Variants in SNN observed in about 807,000 individuals in gnomAD.
The protein encoded by SNN is stannin.
In SNN, 5 loss-of-function variants were observed where a neutral mutation model predicts 5.3. The ratio of observed to expected loss-of-function variants is 0.94; its 90% confidence interval spans 0.49 to 1.97. The LOEUF (loss-of-function observed/expected upper bound fraction) is 1.97. Among genes scored for constraint, SNN ranks in the 30% most tolerant of loss-of-function variants. SNN has a pLI of 0.01. For synonymous variants in SNN, 67 were observed against 52.1 expected, an observed-to-expected ratio of 1.29 and a Z score of -1.24; for missense variants, 127 against 121.6, an observed-to-expected ratio of 1.04 and a Z score of -0.21.
Position 11,672,977 on chromosome 16 carries a change from A to AAC in SNN, c.-85-2989_-85-2988dup, listed in dbSNP as rs1211220028. ...TGTCCCTGAACCACCCCCACCCCCA[A>AAC]ACACACACACTTCCCCTTCCGAATT... On this transcript the variant is annotated intron_variant, in intron 1 of 1. Coordinates refer to ENST00000329565, the MANE Select transcript of SNN (RefSeq NM_003498.6). This position sits in a 1 kb window ranked among gnomAD's most constrained non-coding sequence, Gnocchi z 6.0. Among the ~76,000 whole-genome samples the AAC allele has an allele frequency of 3.3e-5, 5 of 151,900 alleles. No individual in the cohort carries two copies. Among genetic ancestry groups the AAC allele is most frequent in the Admixed American group, 3.3e-4 (5 of 15,254 alleles).
rs1445299223 is a variant in SNN at position 11,676,524 on chromosome 16, C to G, written c.*198C>G. The G allele has an allele frequency of 1.5e-6, 1 of 650,778 alleles. No individual in the cohort carries two copies. Among genetic ancestry groups the G allele is most frequent in the Non-Finnish European group, 2.7e-6 (1 of 373,694 alleles). The allele number at this position is 650,778 out of a possible 1,614,324, so 40.3% of individuals were successfully genotyped here. On this transcript the variant is annotated 3_prime_UTR_variant, in exon 2 of 2. Coordinates refer to ENST00000329565, the MANE Select transcript of SNN (RefSeq NM_003498.6). ...TCCCCTCGGCCTCCAGGTGAGGCTG[C>G]CCATTGCAGGCACTGGGCAGGCCTG...
chr16:11,670,141 C>A (rs2050258036), intron 1 of SNN, among the ~76,000 whole-genome samples: 1 of 152,136 alleles, frequency 6.6e-6, no homozygotes, highest in South Asian at 2.1e-4. Context: ...CCAGTCAGAA[C>A]CTGGGGCAGG....
Position 11,670,219 on chromosome 16 carries a change from T to TGG in SNN, c.-86+1684_-86+1685dup, listed in dbSNP as rs145789425. On this transcript the variant is annotated intron_variant, in intron 1 of 1. Coordinates refer to ENST00000329565, the MANE Select transcript of SNN (RefSeq NM_003498.6). ...TTGGCACCCTTGGCAGGTGGCTTTA[T>TGG]GGGGGGAGGCAGTACTGAAAGCCCC... 2.8e-3 allele frequency among the ~76,000 whole-genome samples: 428 copies of TGG among 150,846 alleles called. 3 individuals are homozygous for TGG. The highest frequency in any genetic ancestry group is 9.9e-3 in the African/African-American group (401 of 40,580).
rs915749371 is a variant in SNN at position 11,676,119 on chromosome 16, T to G, written c.60T>G (p.Ile20Met). The G allele has an allele frequency of 6.2e-7, 1 of 1,614,074 alleles. No homozygotes were observed. Among genetic ancestry groups the G allele is most frequent in the Non-Finnish European group, 8.5e-7 (1 of 1,179,964 alleles). ...TGGTCACAGTCATCGTCATCCTCAT[T>G]GCCATCGCGGCCCTGGGGGCCTTGA... Reference protein sequence around the residue: ...TGVVTVIVILIAIAALGALIL... With the variant: ...TGVVTVIVILMAIAALGALIL... The change falls in exon 2 of 2, where the codon ATT (isoleucine) becomes ATG (methionine). Residue 20 changes from isoleucine to methionine, a missense_variant. Physicochemically the swap from Ile to Met is conservative, Grantham distance 10 (BLOSUM62 1). Coordinates refer to ENST00000329565, the MANE Select transcript of SNN (RefSeq NM_003498.6).
At position 11,676,424 on chromosome 16, in the gene SNN, G is replaced by A. The variant is rs552794773; in HGVS notation, c.*98G>A. ...GCGCTGCTGTCTGAGAGGAAGGGCT[G>A]ACACTTGCTGGCATGGCCTCTGCGG... On this transcript the variant is annotated 3_prime_UTR_variant, in exon 2 of 2. Coordinates refer to ENST00000329565, the MANE Select transcript of SNN (RefSeq NM_003498.6). 63 of 1,397,002 alleles carry A rather than the reference G, an allele frequency of 4.5e-5. No individual in the cohort carries two copies. In the African/African-American group the frequency reaches 7.7e-4, roughly 17 times the overall value. The allele number at this position is 1,397,002 out of a possible 1,614,324, so 86.5% of individuals were successfully genotyped here. A position where few individuals can be genotyped will look rare whatever the true frequency, so the allele number is the denominator to read the frequency against.
At position 11,675,255 on chromosome 16, in the gene SNN, TTTC is replaced by T. The variant is rs1287366851; in HGVS notation, c.-85-717_-85-715del. ...CATTGTCATTTCTTTTTCTTTTTTTTTTCTTTTTTTTTTTTTTTTTTTGAAGAG... is the reference window on the plus strand; with the variant it reads ...CATTGTCATTTCTTTTTCTTTTTTTTTTTTTTTTTTTTTTTTTTTGAAGAG... On this transcript the variant is annotated intron_variant, in intron 1 of 1. Coordinates refer to ENST00000329565, the MANE Select transcript of SNN (RefSeq NM_003498.6). Among the ~76,000 whole-genome samples, 12 of 149,952 alleles carry T rather than the reference TTTC, an allele frequency of 8.0e-5. No homozygotes were observed. The South Asian group carries it at 8.3e-4, about 10-fold the overall frequency.
chr16:11,671,242 T>C lies in SNN; in HGVS notation c.-86+2702T>C, dbSNP rs2050264287. The stretch of plus-strand genomic sequence containing the variant: ...CCTTGGATCTTGCTTTTATAGTGGG[T>C]GGGTGGGATCCGAGAGTCAGGACCC... On this transcript the variant is annotated intron_variant, in intron 1 of 1. Coordinates refer to ENST00000329565, the MANE Select transcript of SNN (RefSeq NM_003498.6). This position sits in a 1 kb window ranked among gnomAD's most constrained non-coding sequence, Gnocchi z 4.7. 6.6e-6 allele frequency among the ~76,000 whole-genome samples: 1 copy of C among 151,992 alleles called. No homozygotes were observed. Among genetic ancestry groups the C allele is most frequent in the South Asian group, 2.1e-4 (1 of 4,810 alleles).
Position 11,676,563 on chromosome 16 carries a change from T to C in SNN, c.*237T>C. 1 of 560,914 alleles carries C rather than the reference T, an allele frequency of 1.8e-6. No individual in the cohort carries two copies. Among genetic ancestry groups the C allele is most frequent in the Non-Finnish European group, 3.3e-6 (1 of 305,538 alleles). The allele number at this position is 560,914 out of a possible 1,614,324, so 34.7% of individuals were successfully genotyped here. On this transcript the variant is annotated 3_prime_UTR_variant, in exon 2 of 2. Coordinates refer to ENST00000329565, the MANE Select transcript of SNN (RefSeq NM_003498.6). ...TGGGCAGGCCTGACCTTGCTGGGGCTCATGGCCCTGTAGCGCTTTTGTTAC... is the reference window on the plus strand; with the variant it reads ...TGGGCAGGCCTGACCTTGCTGGGGCCCATGGCCCTGTAGCGCTTTTGTTAC...
chr16:11,671,174 GTTGT>G lies in SNN; in HGVS notation c.-86+2638_-86+2641del, dbSNP rs1304090256. 2.6e-5 allele frequency among the ~76,000 whole-genome samples: 4 copies of G among 152,256 alleles called. No homozygotes were observed. Among genetic ancestry groups the G allele is most frequent in the South Asian group, 4.1e-4 (2 of 4,822 alleles). On this transcript the variant is annotated intron_variant, in intron 1 of 1. Transcript: ENST00000329565. This position sits in a 1 kb window ranked among gnomAD's most constrained non-coding sequence, Gnocchi z 4.7. ...TGTGCTGCAGTTGACCTCCTTTGGG[GTTGT>G]TTGAGGATGCTGGGGCAGGGGGTTC... is the stretch of plus-strand genomic sequence containing the variant.
rs1197426256 is a variant in SNN at position 11,668,851 on chromosome 16, C to T, written c.-86+311C>T. ...CCCGCCCGTGCAGCCCCCGCCCGTCCTCAGCTACGCTCCCGCCTTCCCCCG... is the reference window on the plus strand; with the variant it reads ...CCCGCCCGTGCAGCCCCCGCCCGTCTTCAGCTACGCTCCCGCCTTCCCCCG... On this transcript the variant is annotated intron_variant, in intron 1 of 1. Coordinates refer to ENST00000329565, the MANE Select transcript of SNN (RefSeq NM_003498.6). This position sits in a 1 kb window ranked among gnomAD's most constrained non-coding sequence, Gnocchi z 6.8. Among the ~76,000 whole-genome samples the T allele has an allele frequency of 6.6e-6, 1 of 152,000 alleles. No homozygotes were observed. The highest frequency in any genetic ancestry group is 1.9e-4 in the East Asian group (1 of 5,146).
At chr16:11,675,937 GT>G in intron 1 of SNN, 37 bp from the exon 2 acceptor site, 1 of 1,027,044 alleles carries the variant, frequency 9.7e-7, no homozygotes, top group Non-Finnish European at 1.4e-6. Flanking sequence ...CCCCGTGGAA[GT>G]GCTAACCGCA....
rs182840103 is a variant in SNN, at chr16:11,676,506, G to A, written c.*180G>A. On this transcript the variant is annotated 3_prime_UTR_variant, in exon 2 of 2. Transcript: ENST00000329565. ...ACCTGGCTGTCCTGGGCTTCCCCTC[G>A]GCCTCCAGGTGAGGCTGCCCATTGC... 6.3e-5 allele frequency: 47 copies of A among 748,370 alleles called. No homozygotes were observed. In the African/African-American group the frequency reaches 6.4e-4, roughly 10 times the overall value. 46.4% of individuals were successfully genotyped at this position (748,370 alleles called of 1,614,324 possible).
At position 11,676,279 on chromosome 16, in the gene SNN, A is replaced by G; in HGVS notation, c.220A>G (p.Arg74Gly). The G allele has an allele frequency of 6.2e-7, 1 of 1,613,984 alleles. No individual in the cohort carries two copies. Among genetic ancestry groups the G allele is most frequent in the Non-Finnish European group, 8.5e-7 (1 of 1,179,928 alleles). ...TTCGGCCAAGGGACCGTGCGTGGAG[A>G]GAAAGGCCAAGCTGATGACTCCCAA... ...QYSAKGPCVE[R>G]KAKLMTPNGP... Residue 74 changes from arginine to glycine, a missense_variant, in exon 2 of 2, where the codon AGA (arginine) becomes GGA (glycine). Transcript: ENST00000329565.
chr16:11,675,862 C>G, intron 1 of SNN, 113 bp from the exon 2 acceptor site: 1 of 587,630 alleles, frequency 1.7e-6, no homozygotes, highest in Non-Finnish European at 2.9e-6. Context: ...CTTCGAACGC[C>G]GGCCAGCATG....
In SNN at chr16:11,676,098, C is replaced by T; in HGVS notation, c.39C>T (p.Val13=). The T allele has an allele frequency of 1.2e-6, 2 of 1,613,084 alleles. No homozygotes were observed. Among genetic ancestry groups the T allele is most frequent in the Non-Finnish European group, 1.7e-6 (2 of 1,179,238 alleles). The change falls in exon 2 of 2, where the codon GTC becomes GTT. Residue 13 remains valine (V), a synonymous_variant. Transcript: ENST00000329565. ...IMDHSPTTGV[V]TVIVILIAIA... The stretch of plus-strand genomic sequence containing the variant: ...ACCACAGCCCCACCACGGGCGTGGT[C>T]ACAGTCATCGTCATCCTCATTGCCA...
rs899323533 is a variant in SNN, at chr16:11,678,354, A to G, written c.*2028A>G. On this transcript the variant is annotated 3_prime_UTR_variant, in exon 2 of 2. Coordinates refer to ENST00000329565, the MANE Select transcript of SNN (RefSeq NM_003498.6). ...TTCCAGGCTTTCTACCTCGACTCTC[A>G]CCACAGCCAGCACATACACCTAGGC... 1 of 166,934 alleles carries G rather than the reference A, an allele frequency of 6.0e-6. No homozygotes were observed. Among genetic ancestry groups the G allele is most frequent in the African/African-American group, 2.4e-5 (1 of 41,352 alleles). The allele number at this position is 166,934 out of a possible 1,614,324, so 10.3% of individuals were successfully genotyped here.
At position 11,676,024 on chromosome 16, in the gene SNN, A is replaced by C; in HGVS notation, c.-36A>C. 1.9e-6 allele frequency: 3 copies of C among 1,543,856 alleles called. No homozygotes were observed. Among genetic ancestry groups the C allele is most frequent in the East Asian group, 4.5e-5 (2 of 44,122 alleles). On this transcript the variant is annotated 5_prime_UTR_variant, in exon 2 of 2. Transcript: ENST00000329565. ...CAGCCTCACTGAGTGGCCACCCCCA[A>C]AGTGCTGCCAGCCGAGGAAGCCCCC...
rs1232657118 is a variant in SNN, at chr16:11,672,531, C to T, written c.-85-3444C>T. ...TGGGGAGGCAGGGAGCTTGGATTCTCTTTGGTGCTGGGGAGGATTCTGAGT... is the reference window on the plus strand; with the variant it reads ...TGGGGAGGCAGGGAGCTTGGATTCTTTTTGGTGCTGGGGAGGATTCTGAGT... On this transcript the variant is annotated intron_variant, in intron 1 of 1. Transcript: ENST00000329565. The surrounding 1 kb of genome is among the most constrained non-coding windows in gnomAD (Gnocchi z 6.0). Among the ~76,000 whole-genome samples, 2 of 152,142 alleles carry T rather than the reference C, an allele frequency of 1.3e-5. No individual in the cohort carries two copies. The highest frequency in any genetic ancestry group is 4.8e-5 in the African/African-American group (2 of 41,438).
intron 1 of SNN, among the ~76,000 whole-genome samples, chr16:11,673,779 G>C (rs1036336868): frequency 3.3e-5 from 5 of 152,218 alleles, no homozygotes; most frequent in African/African-American, 7.2e-5. Flanking sequence ...TGGCGAGCAG[G>C]GCATATTGGG....
Sources: gnomAD v4.1 joint callset for allele counts (sites outside exome capture counted in the v4.1 genomes callset) on GRCh38, gnomAD v4.1.1 for gene constraint, Gnocchi (gnomAD v3.1) non-coding constraint, MANE v1.5 for transcripts, NCBI Gene and HGNC (gene_info 2026-07-23, HGNC 2026-07-21) for gene names.